The following TAF5L variants were observed in gnomAD, a reference collection of about 807,000 sequenced individuals.
The protein encoded by TAF5L is TATA-box binding protein associated factor 5 like.
Under a neutral mutation model 51.3 loss-of-function variants are expected in TAF5L, and 7 were observed. The ratio of observed to expected loss-of-function variants is 0.14; its 90% confidence interval spans 0.08 to 0.26. The LOEUF is 0.26. Among genes scored for constraint, TAF5L ranks in the 10% least tolerant of loss-of-function variants. The pLI is 1.00. For missense variants in TAF5L, 575 were observed against 758.9 expected, an observed-to-expected ratio of 0.76 and a Z score of 2.85; for synonymous variants, 291 against 308.1, an observed-to-expected ratio of 0.94 and a Z score of 0.58.
chr1:229,611,382 G>A (rs183257005), intron 2 of TAF5L, among the ~76,000 whole-genome samples: 5 of 152,250 alleles, frequency 3.3e-5, no homozygotes, highest in East Asian at 1.9e-4. Flanking sequence ...CTTTAACCGC[G>A]TCCTGAATGA....
intron 3 of TAF5L, among the ~76,000 whole-genome samples, chr1:229,603,955 T>C (rs1467368304): frequency 6.6e-6 from 1 of 152,232 alleles, no homozygotes; most frequent in Admixed American, 6.5e-5. Context: ...CTGCTTGCAG[T>C]AGCAAGGTAG....
In TAF5L at chr1:229,602,988, G is replaced by T; in HGVS notation, c.248-69C>A. The T allele has an allele frequency of 6.7e-7, 1 of 1,496,412 alleles. No homozygotes were observed. The allele number at this position is 1,496,412 out of a possible 1,614,324, so 92.7% of individuals were successfully genotyped here. ...ACAGAATAACGTGATCCCTCCTGGG[G>T]ATCACCACCATCATATAATGCTTTC... On this transcript the variant is annotated intron_variant, in intron 3 of 4. Transcript: ENST00000258281. This position sits in a 1 kb window ranked among gnomAD's most constrained non-coding sequence, Gnocchi z 4.6.
rs534855756 is a variant in TAF5L at position 229,613,878 on chromosome 1, TATAATA to T, written c.142+457_142+462del. Among the ~76,000 whole-genome samples the T allele has an allele frequency of 1.8e-3, 279 of 152,260 alleles. 4 individuals carry two copies. The highest frequency in any genetic ancestry group is 0.016 in the Admixed American group (241 of 15,290). ...ATTAAAAAAACTTCAGGAATGTGTC[TATAATA>T]ATAATAATATTTCCAACTACAGATC... On this transcript the variant is annotated intron_variant, in intron 2 of 4. Transcript: ENST00000258281.
In TAF5L at chr1:229,602,052, T is replaced by C; in HGVS notation, c.972+143A>G. ...TAGGCATGTGCAGGAATTCAATGGC[T>C]ACAGGTAACATGTCATTAGTCTGGC... On this transcript the variant is annotated intron_variant, in intron 4 of 4. Coordinates refer to ENST00000258281, the Ensembl canonical transcript of TAF5L. The surrounding 1 kb of genome is among the most constrained non-coding windows in gnomAD (Gnocchi z 4.6). 1 of 1,483,770 alleles carries C rather than the reference T, an allele frequency of 6.7e-7. No homozygotes were observed. The highest frequency in any genetic ancestry group is 8.9e-7 in the Non-Finnish European group (1 of 1,118,754). 91.9% of individuals were successfully genotyped at this position (1,483,770 alleles called of 1,614,324 possible).
intron 4 of TAF5L, among the ~76,000 whole-genome samples, chr1:229,595,734 C>T (rs994806240): frequency 3.3e-5 from 5 of 151,444 alleles, no homozygotes; most frequent in Non-Finnish European, 7.4e-5. Context: ...GGTGTGATCT[C>T]GGCTCACCAC....
chr1:229,604,343 A>G (rs2102748346), intron 3 of TAF5L, among the ~76,000 whole-genome samples: 1 of 152,296 alleles, frequency 6.6e-6, no homozygotes, highest in Admixed American at 6.5e-5. Context: ...CATAATATTC[A>G]TAATATGCAT....
chr1:229,618,195 A>G (rs1665076026), intron 1 of TAF5L, among the ~76,000 whole-genome samples: 1 of 152,250 alleles, frequency 6.6e-6, no homozygotes, highest in Non-Finnish European at 1.5e-5. Flanking sequence ...TGAGACGAAC[A>G]GTGCAGTTTC....
chr1:229,598,847 T>C (rs934841300), intron 4 of TAF5L, among the ~76,000 whole-genome samples: 1 of 152,088 alleles, frequency 6.6e-6, no homozygotes, highest in Admixed American at 6.6e-5. Context: ...TACAGGTGTC[T>C]GCCACCACGC....
intron 2 of TAF5L, among the ~76,000 whole-genome samples, chr1:229,613,967 GGA>G (rs758163266): frequency 1.3e-5 from 2 of 152,248 alleles, no homozygotes; most frequent in Non-Finnish European, 1.5e-5. Flanking sequence ...CCATGCTGGA[GGA>G]GAGGGGACCT....
At chr1:229,593,220 C>T (rs1157910432) in exon 5 of TAF5L, 2 of 152,154 alleles carry the variant, frequency 1.3e-5, no homozygotes, top group Non-Finnish European at 1.5e-5. Flanking sequence ...CTTGCTTTAT[C>T]CTCAGAGCAT....
intron 4 of TAF5L, chr1:229,600,211 A>C: frequency 1.0e-6 from 1 of 985,438 alleles, no homozygotes; most frequent in Non-Finnish European, 1.2e-6. Context: ...TGTTGTCAGA[A>C]ACCAAAAAGA....
intron 4 of TAF5L, chr1:229,601,296 C>T (rs1194659777): frequency 1.0e-6 from 1 of 985,128 alleles, no homozygotes; most frequent in Admixed American, 6.2e-5. Flanking sequence ...GATTTTTTTG[C>T]TCCTTAATTA....
chr1:229,594,277 G>A lies in TAF5L; in HGVS notation c.*20C>T, dbSNP rs574847290. The stretch of plus-strand genomic sequence containing the variant: ...AGGCTTTCCACTGTTACCCCAGTCC[G>A]TTCCAACAAAGTTAAAAAATTAATG... On this transcript the variant is annotated 3_prime_UTR_variant, in exon 5 of 5. Coordinates refer to ENST00000258281, the Ensembl canonical transcript of TAF5L. The surrounding 1 kb of genome is among the most constrained non-coding windows in gnomAD (Gnocchi z 7.9). The A allele has an allele frequency of 2.2e-4, 354 of 1,593,358 alleles. 1 individual carries two copies. In the South Asian group the frequency reaches 3.5e-3, roughly 16 times the overall value.
chr1:229,609,879 A>G (rs1664726815), intron 3 of TAF5L, among the ~76,000 whole-genome samples: 2 of 152,228 alleles, frequency 1.3e-5, no homozygotes, highest in South Asian at 2.1e-4. Context: ...CCAATAGACC[A>G]TAAGTTTGAA....
At chr1:229,610,855 T>C (rs1476654962) in intron 2 of TAF5L, among the ~76,000 whole-genome samples, 1 of 152,310 alleles carries the variant, frequency 6.6e-6, no homozygotes, top group East Asian at 1.9e-4. Context: ...ATCTAATTGG[T>C]AACTTTTTTC....
At position 229,619,843 on chromosome 1, in the gene TAF5L, C is replaced by T. The variant is rs546310438; in HGVS notation, c.-3-5358G>A. Among the ~76,000 whole-genome samples, 3 of 152,252 alleles carry T rather than the reference C, an allele frequency of 2.0e-5. No homozygotes were observed. The South Asian group carries it at 6.2e-4, about 32-fold the overall frequency. ...TGCAAGCCTCTCTTGTGGCTCTGCC[C>T]TCCCATTACTGTCTGCCACTGCTTC... On this transcript the variant is annotated intron_variant, in intron 1 of 4. Transcript: ENST00000258281.
At chr1:229,603,890 C>A (rs1664483157) in intron 3 of TAF5L, among the ~76,000 whole-genome samples, 1 of 152,182 alleles carries the variant, frequency 6.6e-6, no homozygotes, top group East Asian at 1.9e-4. Context: ...AGGGCAGAAG[C>A]CCCCCAAGGA....
At chr1:229,601,806 T>C (rs1664385501) in intron 4 of TAF5L, 10 of 1,024,710 alleles carry the variant, frequency 9.8e-6, no homozygotes, top group Non-Finnish European at 1.1e-5. Context: ...CAGTTGACAA[T>C]GGAGGCCCTT....
intron 1 of TAF5L, among the ~76,000 whole-genome samples, chr1:229,615,560 T>A (rs1473009136): frequency 6.6e-6 from 1 of 151,904 alleles, no homozygotes; most frequent in African/African-American, 2.4e-5. Context: ...AGTAAATTAT[T>A]TTTGAATAAT....
Sources: allele counts gnomAD v4.1 joint callset (sites outside exome capture counted in the v4.1 genomes callset), GRCh38; gene constraint gnomAD v4.1.1; non-coding constraint Gnocchi (gnomAD v3.1); transcripts MANE v1.5; gene names NCBI Gene and HGNC (gene_info 2026-07-23, HGNC 2026-07-21).